Variants in ZNF716 observed in about 807,000 individuals in gnomAD.
ZNF716 encodes the protein zinc finger protein 716.
In ZNF716, 9 loss-of-function variants were observed where a neutral mutation model predicts 13.4. The observed-to-expected ratio is 0.67, with a 90% confidence interval of 0.41 to 1.18. The LOEUF is 1.18. Among genes scored for constraint, ZNF716 ranks in the 50% most tolerant of loss-of-function variants. ZNF716 has a pLI of 0.01. For synonymous variants in ZNF716, 186 were observed against 195.2 expected (o/e 0.95, Z 0.39); for missense variants, 581 against 576.6 (o/e 1.01, Z -0.08).
At chr7:57,467,933 T>G (rs7794203) in intron 3 of ZNF716, among the ~76,000 whole-genome samples, 58,098 of 151,678 alleles carry the variant, frequency 0.38, 11,299 homozygotes, top group East Asian at 0.51. Flanking sequence ...CAAAATTTTT[T>G]ATTTTTTTGA....
At position 57,469,983 on chromosome 7, in the gene ZNF716, C is replaced by T. The variant is rs1789899372; in HGVS notation, c.*34C>T. On this transcript the variant is annotated 3_prime_UTR_variant, in exon 4 of 4. Coordinates refer to ENST00000420713, the MANE Select transcript of ZNF716 (RefSeq NM_001159279.1). ...AGTCCAGCCCTCAGGCCTTATAATA[C>T]ATAAAATAATTTATACTGGAAAAAA... The T allele has an allele frequency of 5.4e-6, 8 of 1,479,288 alleles. No homozygotes were observed. The highest frequency in any genetic ancestry group is 1.8e-4 in the Middle Eastern group (1 of 5,638). The allele number at this position is 1,479,288 out of a possible 1,614,324, so 91.6% of individuals were successfully genotyped here.
At chr7:57,462,305 T>A in intron 1 of ZNF716, 155 bp from the exon 2 acceptor site, 2 of 798,926 alleles carry the variant, frequency 2.5e-6, no homozygotes, top group Non-Finnish European at 4.1e-6. Context: ...AAACATTATC[T>A]TAATGAATAA....
Position 57,470,051 on chromosome 7 carries a change from C to A in ZNF716, c.*102C>A. On this transcript the variant is annotated 3_prime_UTR_variant, in exon 4 of 4. Transcript: ENST00000420713. ...AATGTGGCCAATTCTTTAACCAGTTCCAAACCACTGCTGTCCATAAGATAA... is the reference window on the plus strand; with the variant it reads ...AATGTGGCCAATTCTTTAACCAGTTACAAACCACTGCTGTCCATAAGATAA... The A allele has an allele frequency of 1.8e-6, 2 of 1,104,190 alleles. No homozygotes were observed. Among genetic ancestry groups the A allele is most frequent in the Non-Finnish European group, 2.5e-6 (2 of 787,598 alleles). 68.4% of individuals were successfully genotyped at this position (1,104,190 alleles called of 1,614,324 possible). A position where few individuals can be genotyped will look rare whatever the true frequency, so the allele number is the denominator to read the frequency against.
Position 57,469,214 on chromosome 7 carries a change from C to G in ZNF716, c.753C>G (p.Ser251Arg). The G allele has an allele frequency of 2.5e-6, 4 of 1,612,422 alleles. No individual in the cohort carries two copies. The highest frequency in any genetic ancestry group is 3.3e-4 in the Middle Eastern group (2 of 6,054). The change falls in exon 4 of 4, where the codon AGC becomes AGG. Residue 251 changes from serine (S) to arginine (R), a missense_variant. Physicochemically the swap from Ser to Arg is moderately radical, Grantham distance 110. Transcript: ENST00000420713. ...GTGAGGAATGTGGCAAAGCTTTTAGCTGGTCTGCATCCCTTACTAAACATA... is the reference window on the plus strand; with the variant it reads ...GTGAGGAATGTGGCAAAGCTTTTAGGTGGTCTGCATCCCTTACTAAACATA... ...YRCEECGKAF[S>R]WSASLTKHKR... is the part of the protein sequence containing the mutation.
At chr7:57,451,926 A>G (rs1357004368) in intron 1 of ZNF716, among the ~76,000 whole-genome samples, 2 of 149,774 alleles carry the variant, frequency 1.3e-5, no homozygotes, top group Non-Finnish European at 3.0e-5. Flanking sequence ...ACCACCATAC[A>G]TGGCTAATTT....
At position 57,471,948 on chromosome 7, in the gene ZNF716, A is replaced by C; in HGVS notation, c.*1999A>C. 1 of 152,336 alleles carries C rather than the reference A, an allele frequency of 6.6e-6. No homozygotes were observed. Among genetic ancestry groups the C allele is most frequent in the Non-Finnish European group, 1.5e-5 (1 of 68,026 alleles). 9.4% of individuals were successfully genotyped at this position (152,336 alleles called of 1,614,324 possible). The stretch of plus-strand genomic sequence containing the variant: ...AGGTATGCTTCTTTCTTTGTAAAAA[A>C]AAATATAGATTTTCTGAAAAGCAAA... On this transcript the variant is annotated 3_prime_UTR_variant, in exon 4 of 4. Transcript: ENST00000420713.
intron 3 of ZNF716, among the ~76,000 whole-genome samples, chr7:57,464,747 A>G (rs561971718): frequency 6.6e-6 from 1 of 151,850 alleles, no homozygotes; most frequent in South Asian, 2.1e-4. Flanking sequence ...TGTTGAAAAA[A>G]TTTTTTATAT....
At chr7:57,456,603 C>T (rs532375866) in intron 1 of ZNF716, among the ~76,000 whole-genome samples, 3 of 152,076 alleles carry the variant, frequency 2.0e-5, no homozygotes, top group Admixed American at 6.6e-5. Flanking sequence ...AGCATGGTGA[C>T]GGGTGCCTGT....
At chr7:57,455,007 CAG>C (rs1174535262) in intron 1 of ZNF716, among the ~76,000 whole-genome samples, 3 of 150,534 alleles carry the variant, frequency 2.0e-5, no homozygotes, top group Non-Finnish European at 4.4e-5. Context: ...GCCTGGGTGA[CAG>C]AGCAAGACTC....
rs1239028475 is a variant in ZNF716, at chr7:57,470,669, T to C, written c.*720T>C. ...CTTTTAAAAGTCCTCAAACTTTTTGTTTGAATAAATGTAAAATAATTGATA... is the reference window on the plus strand; with the variant it reads ...CTTTTAAAAGTCCTCAAACTTTTTGCTTGAATAAATGTAAAATAATTGATA... On this transcript the variant is annotated 3_prime_UTR_variant, in exon 4 of 4. Coordinates refer to ENST00000420713, the MANE Select transcript of ZNF716 (RefSeq NM_001159279.1). 2 of 152,048 alleles carry C rather than the reference T, an allele frequency of 1.3e-5. No individual in the cohort carries two copies. The highest frequency in any genetic ancestry group is 2.9e-5 in the Non-Finnish European group (2 of 68,022). 9.4% of individuals were successfully genotyped at this position (152,048 alleles called of 1,614,324 possible). A position where few individuals can be genotyped will look rare whatever the true frequency, so the allele number is the denominator to read the frequency against.
chr7:57,464,621 T>C (rs1554323765), intron 3 of ZNF716, among the ~76,000 whole-genome samples: 1 of 152,190 alleles, frequency 6.6e-6, no homozygotes, highest in Admixed American at 6.5e-5. Flanking sequence ...TTCTTCTCTT[T>C]GTTGCTCAAG....
chr7:57,463,989 T>C (rs1436835286), intron 3 of ZNF716, among the ~76,000 whole-genome samples: 1 of 151,978 alleles, frequency 6.6e-6, no homozygotes. Flanking sequence ...TTTTGTTTTT[T>C]TGTTTTGTAT....
chr7:57,462,775 G>A (rs1192037100), intron 2 of ZNF716, among the ~76,000 whole-genome samples, 189 bp downstream of exon 2: 1 of 151,990 alleles, frequency 6.6e-6, no homozygotes, highest in Non-Finnish European at 1.5e-5. Flanking sequence ...CCTTTCTTGC[G>A]CTTATGTATC....
rs1316170535 is a variant in ZNF716, at chr7:57,464,117, TTTTTC to T, written c.262+954_262+958del. The stretch of plus-strand genomic sequence containing the variant: ...GTAGTTCAATCATTTGTCCATTTCT[TTTTTC>T]TTTTTTTTTTTTTTTTGAGATGGAG... On this transcript the variant is annotated intron_variant, in intron 3 of 3. Transcript: ENST00000420713. Among the ~76,000 whole-genome samples the T allele has an allele frequency of 1.1e-3, 117 of 110,466 alleles. 9 individuals are homozygous for T. Among genetic ancestry groups the T allele is most frequent in the Non-Finnish European group, 1.4e-3 (85 of 58,806 alleles). 72.5% of individuals were successfully genotyped at this position (110,466 alleles called of 152,430 possible). A position where few individuals can be genotyped will look rare whatever the true frequency, so the allele number is the denominator to read the frequency against.
intron 1 of ZNF716, among the ~76,000 whole-genome samples, chr7:57,455,514 TTTTA>T (rs575680506): frequency 1.3e-5 from 2 of 151,790 alleles, no homozygotes; most frequent in African/African-American, 2.4e-5. Context: ...GGATGGAGAA[TTTTA>T]TTTATTTATT....
Position 57,470,025 on chromosome 7 carries a change from G to A in ZNF716, c.*76G>A. 7.3e-7 allele frequency: 1 copy of A among 1,368,092 alleles called. No individual in the cohort carries two copies. Among genetic ancestry groups the A allele is most frequent in the South Asian group, 1.6e-5 (1 of 63,750 alleles). 84.7% of individuals were successfully genotyped at this position (1,368,092 alleles called of 1,614,324 possible). ...TGGAAAAAATCACTACAAGTGTGGAGAATGTGGCCAATTCTTTAACCAGTT... is the reference window on the plus strand; with the variant it reads ...TGGAAAAAATCACTACAAGTGTGGAAAATGTGGCCAATTCTTTAACCAGTT... On this transcript the variant is annotated 3_prime_UTR_variant, in exon 4 of 4. Transcript: ENST00000420713.
At chr7:57,464,945 A>G (rs10251706) in intron 3 of ZNF716, among the ~76,000 whole-genome samples, 58,392 of 151,996 alleles carry the variant, frequency 0.38, 11,423 homozygotes, top group East Asian at 0.51. Context: ...ATCTGTCCTT[A>G]TGTGAATACC....
chr7:57,468,962 T>A lies in ZNF716; in HGVS notation c.501T>A (p.Gly167=). 1 of 1,609,174 alleles carries A rather than the reference T, an allele frequency of 6.2e-7. No homozygotes were observed. The highest frequency in any genetic ancestry group is 8.5e-7 in the Non-Finnish European group (1 of 1,177,288). ...CTCATAAATGCGTCAAAGTCTTTGG[T>A]AAATTTTCAAATTCCAATAGACACA... The part of the protein sequence containing the change: ...FQTHKCVKVF[G]KFSNSNRHKT... Residue 167 remains glycine, a synonymous_variant, in exon 4 of 4, where the codon GGT becomes GGA. Coordinates refer to ENST00000420713, the MANE Select transcript of ZNF716 (RefSeq NM_001159279.1).
chr7:57,461,125 A>G (rs1789702529), intron 1 of ZNF716, among the ~76,000 whole-genome samples: 1 of 151,676 alleles, frequency 6.6e-6, no homozygotes, highest in Non-Finnish European at 1.5e-5. Flanking sequence ...AAAAAATACA[A>G]AAATTAGCCT....
Sources: gnomAD v4.1 joint callset for allele counts (sites outside exome capture counted in the v4.1 genomes callset) on GRCh38, gnomAD v4.1.1 for gene constraint, MANE v1.5 for transcripts, NCBI Gene and HGNC (gene_info 2026-07-23, HGNC 2026-07-21) for gene names.